FBLN1: variants seen among roughly 807,000 people sequenced by gnomAD.
The protein encoded by FBLN1 is fibulin-1.
Under a neutral mutation model 89.7 loss-of-function variants are expected in FBLN1, and 34 were observed. The observed-to-expected ratio is 0.38, with a 90% CI of 0.29 to 0.50. The LOEUF is 0.50. FBLN1 is among the 20% of genes least tolerant of loss of function. The probability of loss-of-function intolerance (pLI) is 0.92; values close to 1 mark genes in which losing one functional copy is unlikely to be tolerated. For synonymous variants in FBLN1, 393 were observed against 391.3 expected (o/e 1.00, Z -0.05); for missense variants, 777 against 988.1 (o/e 0.79, Z 2.86).
chr22:45,555,266 A>ATATATATATATATATATATATATAT (rs1333564177), intron 14 of FBLN1, among the ~76,000 whole-genome samples: 2 of 31,140 alleles, frequency 6.4e-5, no homozygotes, highest in Non-Finnish European at 1.6e-4. Flanking sequence ...TATATATATA[A>ATATATATATATATATATATATATAT]AATGGAATAT....
intron 1 of FBLN1, among the ~76,000 whole-genome samples, chr22:45,504,603 G>T (rs2087993348): frequency 6.6e-6 from 1 of 152,164 alleles, no homozygotes; most frequent in South Asian, 2.1e-4. Flanking sequence ...TTGTGTCGAT[G>T]AGGAAGCTGA....
At chr22:45,560,468 C>G (rs2088838103) in intron 14 of FBLN1, among the ~76,000 whole-genome samples, 2 of 152,198 alleles carry the variant, frequency 1.3e-5, no homozygotes, top group Admixed American at 6.5e-5. Flanking sequence ...ATTCCTTCCT[C>G]TACATTAAAC....
At position 45,549,284 on chromosome 22, in the gene FBLN1, C is replaced by T. The variant is rs1006901227; in HGVS notation, c.1573+540C>T. Among the ~76,000 whole-genome samples, 10 of 152,318 alleles carry T rather than the reference C, an allele frequency of 6.6e-5. No homozygotes were observed. The highest frequency in any genetic ancestry group is 2.1e-4 in the South Asian group (1 of 4,826). ...TAACCATCCATTCAATCACTGACAG[C>T]GGGTGCTGAGTAGATGTTTGTGAGC... On this transcript the variant is annotated intron_variant, in intron 13 of 16. Coordinates refer to ENST00000327858, the MANE Select transcript of FBLN1 (RefSeq NM_006486.3). The surrounding 1 kb of genome is among the most constrained non-coding windows in gnomAD (Gnocchi z 5.7).
At position 45,577,677 on chromosome 22, in the gene FBLN1, G is replaced by A. The variant is rs1051002565; in HGVS notation, c.1972+569G>A. ...TCTGTGTGCACAGCCCATCTGAATG[G>A]GGAGCTCACTGCTCTTTCTCCCTGG... On this transcript the variant is annotated intron_variant, in intron 16 of 16. Transcript: ENST00000327858. This position sits in a 1 kb window ranked among gnomAD's most constrained non-coding sequence, Gnocchi z 6.6. Among the ~76,000 whole-genome samples the A allele has an allele frequency of 6.6e-5, 10 of 152,308 alleles. No individual in the cohort carries two copies. Among genetic ancestry groups the A allele is most frequent in the African/African-American group, 2.2e-4 (9 of 41,572 alleles).
At chr22:45,571,111 CAAAAAAAAAAAA>C (rs542647353) in intron 14 of FBLN1, among the ~76,000 whole-genome samples, 1 of 70,862 alleles carries the variant, frequency 1.4e-5, no homozygotes, top group Admixed American at 1.8e-4. Context: ...ACAAGAGTCT[CAAAAAAAAAAAA>C]AAAAAAAAAA....
In FBLN1 at chr22:45,567,891, C is replaced by T. The variant is rs911802669; in HGVS notation, c.1698-6620C>T. ...TGTACTAGGTGCTTTGGGGGAACAGCAGCTGAAACTGGGAGGCGTTTTCCT... is the reference window on the plus strand; with the variant it reads ...TGTACTAGGTGCTTTGGGGGAACAGTAGCTGAAACTGGGAGGCGTTTTCCT... On this transcript the variant is annotated intron_variant, in intron 14 of 16. Transcript: ENST00000327858. Among the ~76,000 whole-genome samples, 13 of 152,248 alleles carry T rather than the reference C, an allele frequency of 8.5e-5. No individual in the cohort carries two copies. In the Middle Eastern group the frequency reaches 0.014, roughly 159 times the overall value.
rs778805850 is a variant in FBLN1 at position 45,574,644 on chromosome 22, C to T, written c.1831C>T (p.Arg611Cys). 17 of 1,613,626 alleles carry T rather than the reference C, an allele frequency of 1.1e-5. No homozygotes were observed. The highest frequency in any genetic ancestry group is 1.7e-5 in the Admixed American group (1 of 59,992). ...ISLPTFREFT[R>C]PEEIIFLRAI... ...GCTGCCTACCTTCCGCGAGTTCACC[C>T]GCCCTGAAGGTGAGTGGGATGGGTG... Residue 611 changes from arginine to cysteine, a missense_variant, in exon 15 of 17, where the codon CGC (arginine) becomes TGC (cysteine). By Grantham distance (180) the Arg-to-Cys change is radical. Transcript: ENST00000327858. This position sits in a 1 kb window ranked among gnomAD's most constrained non-coding sequence, Gnocchi z 4.1.
In FBLN1 at chr22:45,525,694, C is replaced by G; in HGVS notation, c.321+16C>G. 6.4e-7 allele frequency: 1 copy of G among 1,551,268 alleles called. No individual in the cohort carries two copies. Among genetic ancestry groups the G allele is most frequent in the South Asian group, 1.2e-5 (1 of 84,058 alleles). Reference sequence around the variant, plus strand: ...ATTTGTGAAGGTGAGAGCCAAAGACCATGTGGGGTCGCTGCCCGTCCCCAC... The same window carrying G: ...ATTTGTGAAGGTGAGAGCCAAAGACGATGTGGGGTCGCTGCCCGTCCCCAC... On this transcript the variant is annotated intron_variant, in intron 3 of 16. Coordinates refer to ENST00000327858, the MANE Select transcript of FBLN1 (RefSeq NM_006486.3).
rs573907862 is a variant in FBLN1 at position 45,557,253 on chromosome 22, C to A, written c.1697+6638C>A. On this transcript the variant is annotated intron_variant, in intron 14 of 16. Transcript: ENST00000327858. The surrounding 1 kb of genome is among the most constrained non-coding windows in gnomAD (Gnocchi z 4.9). The stretch of plus-strand genomic sequence containing the variant: ...GTGGATAAGGCATTCTGTGAACCCA[C>A]GGATGGTAGTCTTGGCAGAAGCATC... 9.8e-5 allele frequency among the ~76,000 whole-genome samples: 15 copies of A among 152,288 alleles called. 1 individual carries two copies. The South Asian group carries it at 3.1e-3, about 32-fold the overall frequency.
At position 45,590,226 on chromosome 22, in the gene FBLN1, TC is replaced by T. The variant is rs1001842599; in HGVS notation, c.1973-10074del. Among the ~76,000 whole-genome samples, 1 of 151,960 alleles carries T rather than the reference TC, an allele frequency of 6.6e-6. No homozygotes were observed. Among genetic ancestry groups the T allele is most frequent in the African/African-American group, 2.4e-5 (1 of 41,366 alleles). ...GGCTGCCCGCCAGGCCAGCCTCTCT[TC>T]CCCCCCATCCCTCCAGACCTTCATT... On this transcript the variant is annotated intron_variant, in intron 16 of 16. Coordinates refer to ENST00000327858, the MANE Select transcript of FBLN1 (RefSeq NM_006486.3). The surrounding 1 kb of genome is among the most constrained non-coding windows in gnomAD (Gnocchi z 4.1).
rs1309996015 is a variant in FBLN1 at position 45,537,038 on chromosome 22, C to T, written c.922+1701C>T. ...AAGTCCTGATCCACCGGCTCTCCCT[C>T]GGCCTCTGCTTGGCAGACGCCCCTG... On this transcript the variant is annotated intron_variant, in intron 8 of 16. Coordinates refer to ENST00000327858, the MANE Select transcript of FBLN1 (RefSeq NM_006486.3). The surrounding 1 kb of genome is among the most constrained non-coding windows in gnomAD (Gnocchi z 5.7). Among the ~76,000 whole-genome samples the T allele has an allele frequency of 6.6e-5, 10 of 152,178 alleles. No homozygotes were observed. Among genetic ancestry groups the T allele is most frequent in the Admixed American group, 3.3e-4 (5 of 15,274 alleles).
intron 16 of FBLN1, among the ~76,000 whole-genome samples, chr22:45,582,289 G>T (rs1166112140): frequency 1.3e-5 from 2 of 152,212 alleles, no homozygotes; most frequent in African/African-American, 4.8e-5. Flanking sequence ...AGCCGTAGAG[G>T]ATAAATAGTG....
At chr22:45,600,265 A>G in intron 16 of FBLN1, 42 bp from the exon 17 acceptor site, 1 of 1,613,910 alleles carries the variant, frequency 6.2e-7, no homozygotes, top group Non-Finnish European at 8.5e-7. Context: ...ACGTTGCTGC[A>G]GTCCCTTCTA....
intron 14 of FBLN1, chr22:45,558,071 A>G: frequency 1.4e-6 from 1 of 716,810 alleles, no homozygotes; most frequent in South Asian, 1.5e-5. Flanking sequence ...CCTCTGTCAG[A>G]TGATCGTAGG....
chr22:45,511,561 C>A (rs1364801867), intron 1 of FBLN1, among the ~76,000 whole-genome samples: 1 of 151,942 alleles, frequency 6.6e-6, no homozygotes, highest in Non-Finnish European at 1.5e-5. Context: ...ATTCTCTCAC[C>A]TCAGCCTCCT....
At chr22:45,586,510 C>T (rs1026935702) in intron 16 of FBLN1, among the ~76,000 whole-genome samples, 4 of 152,196 alleles carry the variant, frequency 2.6e-5, no homozygotes, top group Admixed American at 6.5e-5. Context: ...ATGGTCCCAG[C>T]GGGAGGGTGG....
At position 45,532,868 on chromosome 22, in the gene FBLN1, C is replaced by T. The variant is rs930057936; in HGVS notation, c.545-195C>T. 5.4e-5 allele frequency: 33 copies of T among 615,296 alleles called. No homozygotes were observed. The highest frequency in any genetic ancestry group is 7.8e-5 in the Non-Finnish European group (27 of 344,208). 38.1% of individuals were successfully genotyped at this position (615,296 alleles called of 1,614,324 possible). On this transcript the variant is annotated intron_variant, in intron 5 of 16. Transcript: ENST00000327858. This position sits in a 1 kb window ranked among gnomAD's most constrained non-coding sequence, Gnocchi z 4.2. ...ACGGGGAGGTTGGGACCTGAAGCAG[C>T]AGCCCCTGGGGGGTGTCCAGAGCCA...
intron 1 of FBLN1, among the ~76,000 whole-genome samples, chr22:45,513,054 C>A (rs1215553408): frequency 6.6e-6 from 1 of 152,218 alleles, no homozygotes; most frequent in Non-Finnish European, 1.5e-5. Flanking sequence ...CCATTGCATA[C>A]ACTGTCAAAC....
At chr22:45,548,543 G>A (rs752582405) in intron 12 of FBLN1, 70 bp from the exon 13 acceptor site, 63 of 1,604,096 alleles carry the variant, frequency 3.9e-5, no homozygotes, top group East Asian at 8.9e-5. Context: ...CCCCCAGGGC[G>A]ATGTAGCATG....
Sources: gnomAD v4.1 joint callset for allele counts (sites outside exome capture counted in the v4.1 genomes callset) on GRCh38, gnomAD v4.1.1 for gene constraint, Gnocchi (gnomAD v3.1) non-coding constraint, MANE v1.5 for transcripts, NCBI Gene and HGNC (gene_info 2026-07-23, HGNC 2026-07-21) for gene names.